PIK3R1: variants seen among roughly 807,000 people sequenced by gnomAD.
The protein encoded by PIK3R1 is phosphatidylinositol 3-kinase regulatory subunit alpha.
PIK3R1 carries 29 observed loss-of-function variants against 98.0 expected under a neutral mutation model. The observed-to-expected ratio is 0.30, with a 90% CI of 0.22 to 0.40. The LOEUF is 0.40. PIK3R1 is among the 10% of genes least tolerant of loss of function. The pLI is 1.00. For missense variants in PIK3R1, 596 were observed against 872.7 expected (o/e 0.68, Z 3.99); for synonymous variants, 282 against 311.8 (o/e 0.90, Z 1.01).
intron 2 of PIK3R1, among the ~76,000 whole-genome samples, chr5:68,255,395 T>C (rs1745469371): frequency 6.6e-6 from 1 of 152,204 alleles, no homozygotes; most frequent in African/African-American, 2.4e-5. Context: ...CATCATTATC[T>C]GGGTCAGCCT....
At chr5:68,270,899 T>TGC (rs1746327859) in intron 2 of PIK3R1, among the ~76,000 whole-genome samples, 1 of 152,250 alleles carries the variant, frequency 6.6e-6, no homozygotes, top group Non-Finnish European at 1.5e-5. Flanking sequence ...GTGTGCTCTT[T>TGC]CATTTTATAA....
At chr5:68,275,425 G>A (rs927745728) in intron 4 of PIK3R1, among the ~76,000 whole-genome samples, 2 of 151,902 alleles carry the variant, frequency 1.3e-5, no homozygotes, top group Non-Finnish European at 2.9e-5. Flanking sequence ...CACAGGAAGA[G>A]TTTAGACATC....
rs201809898 is a variant in PIK3R1 at position 68,292,302 on chromosome 5, C to T, written c.960C>T (p.Asn320=). 2.7e-5 allele frequency: 44 copies of T among 1,613,612 alleles called. No individual in the cohort carries two copies. The highest frequency in any genetic ancestry group is 3.3e-4 in the Middle Eastern group (2 of 6,062). Reference sequence around the variant, plus strand: ...CAAAACCTACTACTGTAGCCAACAACGGTATGAATAACAATATGTCCTTAC... The same window carrying T: ...CAAAACCTACTACTGTAGCCAACAATGGTATGAATAACAATATGTCCTTAC... ...KPPKPTTVAN[N]GMNNNMSLQD... is the part of the protein sequence containing the mutation. The change falls in exon 8 of 16, where the codon AAC becomes AAT. Residue 320 remains asparagine (N), a synonymous_variant. Transcript: ENST00000521381.
At chr5:68,262,705 GCATGTAGATGCATGTATACATATATA>G (rs1561278377) in intron 2 of PIK3R1, among the ~76,000 whole-genome samples, 1 of 23,826 alleles carries the variant, frequency 4.2e-5, no homozygotes, top group Non-Finnish European at 9.4e-5. Context: ...ACATGTAGAT[GCATGTAGATGCATGTATACATATATA>G]CATGTAGATG....
At chr5:68,217,635 T>TGTGTGTGG (rs1743944196) in intron 1 of PIK3R1, 1 of 140,422 alleles carries the variant, frequency 7.1e-6, no homozygotes, top group Non-Finnish European at 1.5e-5. Flanking sequence ...TGGGGGTGTG[T>TGTGTGTGG]GTGTGTGTGT....
intron 2 of PIK3R1, among the ~76,000 whole-genome samples, chr5:68,236,277 T>C (rs1222861027): frequency 6.6e-6 from 1 of 151,476 alleles, no homozygotes; most frequent in African/African-American, 2.4e-5. Context: ...TGAGATGGAG[T>C]CTCGCTCTGT....
Position 68,292,704 on chromosome 5 carries a change from T to C in PIK3R1, c.1019+343T>C, listed in dbSNP as rs1355452815. 5 of 1,274,776 alleles carry C rather than the reference T, an allele frequency of 3.9e-6. No individual in the cohort carries two copies. The East Asian group carries it at 2.0e-4, about 50-fold the overall frequency. 79.0% of individuals were successfully genotyped at this position (1,274,776 alleles called of 1,614,324 possible). ...ACAATAAGAAAACAATGCCATTTTA[T>C]GTTAGCTTTGGGAAGGGGGAGTAAG... On this transcript the variant is annotated intron_variant, in intron 8 of 15. Transcript: ENST00000521381.
chr5:68,242,215 G>GAACCA (rs1744896115), intron 2 of PIK3R1, among the ~76,000 whole-genome samples: 1 of 152,166 alleles, frequency 6.6e-6, no homozygotes, highest in Admixed American at 6.5e-5. Context: ...TTTAATTGAT[G>GAACCA]GGTTAGGCAA....
chr5:68,216,330 C>T (rs925997625), intron 1 of PIK3R1, among the ~76,000 whole-genome samples: 5 of 152,210 alleles, frequency 3.3e-5, no homozygotes, highest in Non-Finnish European at 5.9e-5. Flanking sequence ...TGCAGTTTTC[C>T]GGGGCCCCTC....
At chr5:68,288,466 C>A in intron 7 of PIK3R1, 2 of 1,291,936 alleles carry the variant, frequency 1.5e-6, no homozygotes, top group Non-Finnish European at 2.0e-6. Flanking sequence ...CGGCAGTGAG[C>A]GGCGGTGGCC....
intron 7 of PIK3R1, chr5:68,288,594 C>CT (rs1326773144): frequency 6.2e-5 from 95 of 1,542,126 alleles, no homozygotes; most frequent in Non-Finnish European, 8.2e-5. Context: ...TGCGCGCACT[C>CT]TCGGCGCCGG....
At chr5:68,265,468 C>G (rs1451430129) in intron 2 of PIK3R1, among the ~76,000 whole-genome samples, 1 of 152,164 alleles carries the variant, frequency 6.6e-6, no homozygotes, top group East Asian at 1.9e-4. Flanking sequence ...TGGTTGGGTT[C>G]TGGTGAGGGC....
At chr5:68,246,469 C>T (rs1213255588) in intron 2 of PIK3R1, among the ~76,000 whole-genome samples, 1 of 152,068 alleles carries the variant, frequency 6.6e-6, no homozygotes, top group Non-Finnish European at 1.5e-5. Context: ...CCCGCCACCA[C>T]GCCCAGCTAA....
At chr5:68,256,036 A>C (rs1321814143) in intron 2 of PIK3R1, among the ~76,000 whole-genome samples, 1 of 152,188 alleles carries the variant, frequency 6.6e-6, no homozygotes, top group Admixed American at 6.5e-5. Flanking sequence ...AATCTTTAAC[A>C]TCAAGTATCT....
intron 7 of PIK3R1, chr5:68,290,519 G>C (rs903738199): frequency 1.8e-5 from 9 of 489,478 alleles, no homozygotes; most frequent in African/African-American, 1.4e-4. Context: ...TCTTAGTGAG[G>C]TTGGCATTAT....
At chr5:68,234,463 T>C (rs1744592084) in intron 2 of PIK3R1, among the ~76,000 whole-genome samples, 1 of 152,154 alleles carries the variant, frequency 6.6e-6, no homozygotes, top group South Asian at 2.1e-4. Flanking sequence ...GGTCCATGGA[T>C]TGTATGGGAT....
chr5:68,235,555 A>G (rs1744635193), intron 2 of PIK3R1, among the ~76,000 whole-genome samples: 1 of 152,152 alleles, frequency 6.6e-6, no homozygotes, highest in Middle Eastern at 3.2e-3. Context: ...GGCATCATTA[A>G]TGCATAATTT....
intron 7 of PIK3R1, chr5:68,291,881 T>C (rs1182102191): frequency 6.3e-6 from 1 of 158,404 alleles, no homozygotes; most frequent in Non-Finnish European, 1.4e-5. Context: ...ATGTTATTCC[T>C]GCTACTCATA....
chr5:68,249,014 A>C (rs893080828), intron 2 of PIK3R1, among the ~76,000 whole-genome samples: 3 of 152,190 alleles, frequency 2.0e-5, no homozygotes, highest in Non-Finnish European at 4.4e-5. Context: ...AAAAGGTGAG[A>C]TAGAGGGGAA....
Sources: gnomAD v4.1 joint callset for allele counts (sites outside exome capture counted in the v4.1 genomes callset) on GRCh38, gnomAD v4.1.1 for gene constraint, MANE v1.5 for transcripts, NCBI Gene and HGNC (gene_info 2026-07-23, HGNC 2026-07-21) for gene names.